The following DPP6 variants were observed in gnomAD, a reference collection of about 807,000 sequenced individuals.
The protein encoded by DPP6 is dipeptidyl peptidase like 6.
Under a neutral mutation model 122.6 loss-of-function variants are expected in DPP6, and 69 were observed. That is an observed-to-expected ratio of 0.56 (90% CI 0.46 to 0.69). DPP6 has a LOEUF of 0.69. Among genes scored for constraint, DPP6 ranks in the 30% least tolerant of loss-of-function variants. The pLI is 0.00. For synonymous variants in DPP6, 418 were observed against 433.1 expected (o/e 0.97, Z 0.43); for missense variants, 928 against 1,116.9 (o/e 0.83, Z 2.41).
intron 1 of DPP6, among the ~76,000 whole-genome samples, chr7:154,128,797 A>G (rs1009096417): frequency 3.3e-5 from 5 of 149,994 alleles, no homozygotes; most frequent in African/African-American, 1.2e-4. Context: ...CAATCTTAGC[A>G]GGGACTCAAA....
intron 7 of DPP6, among the ~76,000 whole-genome samples, chr7:154,704,961 T>G (rs1488649144): frequency 4.6e-5 from 7 of 152,142 alleles, no homozygotes; most frequent in Non-Finnish European, 8.8e-5. Flanking sequence ...GGTCTCAAAC[T>G]CCTCAAGCAA....
intron 3 of DPP6, among the ~76,000 whole-genome samples, chr7:154,490,635 T>A (rs957395501): frequency 2.6e-5 from 4 of 152,228 alleles, no homozygotes; most frequent in African/African-American, 9.7e-5. Context: ...AAAGACAAAT[T>A]CCTAATAAAA....
intron 1 of DPP6, among the ~76,000 whole-genome samples, chr7:154,441,571 A>T (rs1819375492): frequency 6.6e-6 from 1 of 152,190 alleles, no homozygotes; most frequent in African/African-American, 2.4e-5. Flanking sequence ...TAAAGGTAGC[A>T]AGCAAGGCAA....
At chr7:154,013,422 A>G (rs1387018603) in intron 1 of DPP6, among the ~76,000 whole-genome samples, 4 of 151,116 alleles carry the variant, frequency 2.6e-5, no homozygotes, top group Non-Finnish European at 4.4e-5. Context: ...CTTTTAGTCC[A>G]GTGTGTATTC....
In DPP6 at chr7:154,053,017, G is replaced by T; in HGVS notation, c.197G>T (p.Arg66Leu). The change falls in exon 1 of 26, where the codon CGG (arginine) becomes CTG (leucine). Residue 66 changes from arginine to leucine, a missense_variant. Physicochemically the swap from Arg to Leu is moderately radical, Grantham distance 102 (BLOSUM62 -2). Coordinates refer to ENST00000377770, the MANE Select transcript of DPP6 (RefSeq NM_130797.4). The part of the protein sequence containing the change: ...RGGGGGGAGG[R>L]PRFQYQARSD... ...GGCGGCGGCGGCGGCGCGGGTGGCC[G>T]GCCCCGGTTCCAGTACCAGGCGCGG... 1.2e-5 allele frequency: 13 copies of T among 1,057,252 alleles called. No homozygotes were observed. The highest frequency in any genetic ancestry group is 1.5e-5 in the Non-Finnish European group (13 of 876,018). 65.5% of individuals were successfully genotyped at this position (1,057,252 alleles called of 1,614,324 possible).
chr7:154,741,933 T>C (rs1037049323), intron 8 of DPP6, among the ~76,000 whole-genome samples: 1 of 152,252 alleles, frequency 6.6e-6, no homozygotes, highest in Non-Finnish European at 1.5e-5. Flanking sequence ...AATTTACATG[T>C]AGCAAAATTC....
intron 10 of DPP6, among the ~76,000 whole-genome samples, chr7:154,782,876 CG>C (rs1445331320): frequency 6.6e-6 from 1 of 152,008 alleles, no homozygotes; most frequent in Non-Finnish European, 1.5e-5. Context: ...CTCCGCCTCC[CG>C]GGTTCAAGCA....
intron 1 of DPP6, among the ~76,000 whole-genome samples, chr7:154,107,335 C>T (rs1488358452): frequency 6.6e-6 from 1 of 152,122 alleles, no homozygotes; most frequent in Non-Finnish European, 1.5e-5. Flanking sequence ...AAGCCAGGCA[C>T]AGAAAGACAA....
chr7:154,050,522 T>C (rs1178415080), upstream of DPP6, among the ~76,000 whole-genome samples: 2 of 151,960 alleles, frequency 1.3e-5, no homozygotes, highest in African/African-American at 2.4e-5. Context: ...GTGAATAGCA[T>C]GAGCTTTCTT....
At chr7:154,022,645 T>C (rs1798760320) in intron 1 of DPP6, among the ~76,000 whole-genome samples, 1 of 152,150 alleles carries the variant, frequency 6.6e-6, no homozygotes, top group Non-Finnish European at 1.5e-5. Context: ...AGTGTTGTCT[T>C]GTGTGTATGT....
In DPP6 at chr7:154,214,270, A is replaced by T. The variant is rs569619558; in HGVS notation, c.243+161207A>T. On this transcript the variant is annotated intron_variant, in intron 1 of 25. Transcript: ENST00000377770. Reference sequence around the variant, plus strand: ...TTATTCACCAAAGCATTAAGCCAGGATCTATTTTACATCAGATTGTTTGAA... The same window carrying T: ...TTATTCACCAAAGCATTAAGCCAGGTTCTATTTTACATCAGATTGTTTGAA... Among the ~76,000 whole-genome samples, 12 of 152,352 alleles carry T rather than the reference A, an allele frequency of 7.9e-5. No homozygotes were observed. The East Asian group carries it at 2.3e-3, about 29-fold the overall frequency.
intron 25 of DPP6, among the ~76,000 whole-genome samples, chr7:154,892,053 G>A (rs1218195624): frequency 6.6e-6 from 1 of 152,170 alleles, no homozygotes; most frequent in South Asian, 2.1e-4. Context: ...AGAGGGCCAG[G>A]CACCGGGGGC....
chr7:154,015,606 T>C (rs1037365759), intron 1 of DPP6, among the ~76,000 whole-genome samples: 2 of 152,112 alleles, frequency 1.3e-5, no homozygotes, highest in African/African-American at 4.8e-5. Flanking sequence ...ACCCAGGTGC[T>C]CAAGCCACAA....
intron 1 of DPP6, among the ~76,000 whole-genome samples, chr7:154,239,253 A>C (rs1801414976): frequency 6.6e-6 from 1 of 152,170 alleles, no homozygotes; most frequent in East Asian, 1.9e-4. Context: ...TGGCAAAACA[A>C]CTCCAAAAAC....
the DPP6 span, among the ~76,000 whole-genome samples, chr7:153,755,470 C>G: frequency 6.8e-6 from 1 of 146,318 alleles, no homozygotes; most frequent in Non-Finnish European, 1.5e-5. Flanking sequence ...TATCACTTGT[C>G]AAATCTGAAA....
chr7:154,371,378 C>CAAAAAAAAAAAAA (rs1167770083), intron 1 of DPP6, among the ~76,000 whole-genome samples: 42 of 47,708 alleles, frequency 8.8e-4, no homozygotes, highest in Non-Finnish European at 1.0e-3. Flanking sequence ...AACTCTGTCT[C>CAAAAAAAAAAAAA]AAAAAAAAAA....
intron 1 of DPP6, among the ~76,000 whole-genome samples, chr7:154,178,525 A>G (rs1264249583): frequency 6.6e-6 from 1 of 152,038 alleles, no homozygotes; most frequent in Non-Finnish European, 1.5e-5. Flanking sequence ...CTGAAAAAAA[A>G]AAAACAATTC....
chr7:154,166,522 G>A (rs1326406699), intron 1 of DPP6, among the ~76,000 whole-genome samples: 3 of 151,960 alleles, frequency 2.0e-5, no homozygotes, highest in East Asian at 3.9e-4. Flanking sequence ...ATCCTCCCCC[G>A]AAGAACTTTT....
At chr7:154,872,597 C>A in intron 18 of DPP6, 27 bp from the exon 19 acceptor site, 1 of 1,581,264 alleles carries the variant, frequency 6.3e-7, no homozygotes, top group Non-Finnish European at 8.6e-7. Flanking sequence ...TGCCCCCTAA[C>A]CCGTGCTGTG....
Sources: allele counts gnomAD v4.1 joint callset (sites outside exome capture counted in the v4.1 genomes callset), GRCh38; gene constraint gnomAD v4.1.1; transcripts MANE v1.5; gene names NCBI Gene and HGNC (gene_info 2026-07-23, HGNC 2026-07-21).